RASAL2: variants seen among roughly 807,000 people sequenced by gnomAD.
RASAL2 encodes RAS protein activator like 2, also known as ras GTPase-activating protein nGAP.
A neutral mutation model predicts 128.9 loss-of-function variants in RASAL2; 58 were observed. The ratio of observed to expected loss-of-function variants is 0.45; its 90% CI spans 0.36 to 0.56. The LOEUF (loss-of-function observed/expected upper bound fraction) is 0.56. RASAL2 is among the 20% of genes least tolerant of loss of function. The pLI is 0.00. For missense variants in RASAL2, 1,360 were observed against 1,601.6 expected, an observed-to-expected ratio of 0.85 and a Z score of 2.57; for synonymous variants, 561 against 580.8, an observed-to-expected ratio of 0.97 and a Z score of 0.49.
chr1:178,457,907 T>A lies in RASAL2; in HGVS notation c.2615T>A (p.Ile872Lys), dbSNP rs1285589687. The A allele has an allele frequency of 6.2e-7, 1 of 1,614,076 alleles. No individual in the cohort carries two copies. The highest frequency in any genetic ancestry group is 1.3e-5 in the African/African-American group (1 of 74,922). Residue 872 changes from isoleucine (I) to lysine (K), a missense_variant, in exon 14 of 18, where the codon ATA becomes AAA. By Grantham distance (102) the Ile-to-Lys change is moderately radical. Coordinates refer to ENST00000367649, the MANE Select transcript of RASAL2 (RefSeq NM_170692.4). Reference protein sequence around the residue: ...EHASVMLDVPIRLTGSQLSIT... With the variant: ...EHASVMLDVPKRLTGSQLSIT... ...GCATCTGTCATGCTTGATGTGCCTA[T>A]ACGCTTGACCGGAAGCCAGCTTTCC...
At chr1:178,210,831 T>C (rs1663228535) in intron 1 of RASAL2, among the ~76,000 whole-genome samples, 1 of 152,252 alleles carries the variant, frequency 6.6e-6, no homozygotes, top group African/African-American at 2.4e-5. Flanking sequence ...GTTTGCTCTG[T>C]CCAAACACCA....
chr1:178,244,759 A>G (rs1433381748), intron 1 of RASAL2, among the ~76,000 whole-genome samples: 3 of 151,788 alleles, frequency 2.0e-5, no homozygotes, highest in Non-Finnish European at 2.9e-5. Context: ...CCGGTGTGTG[A>G]TGATCCCCTC....
rs573609664 is a variant in RASAL2, at chr1:178,451,241, AAC to A, written c.1628-328_1628-327del. Among the ~76,000 whole-genome samples, 423 of 152,310 alleles carry A rather than the reference AAC, an allele frequency of 2.8e-3. 1 individual carries two copies. The highest frequency in any genetic ancestry group is 9.6e-3 in the African/African-American group (400 of 41,576). ...GTCACCTAAGTAGAGCGAGCCTTAA[AAC>A]ATAACAAGTTTGTACTAATTAAACA... is the stretch of plus-strand genomic sequence containing the variant. On this transcript the variant is annotated intron_variant, in intron 9 of 17. Coordinates refer to ENST00000367649, the MANE Select transcript of RASAL2 (RefSeq NM_170692.4).
intron 3 of RASAL2, among the ~76,000 whole-genome samples, chr1:178,313,310 A>G (rs1428842599): frequency 6.6e-6 from 1 of 152,174 alleles, no homozygotes; most frequent in African/African-American, 2.4e-5. Flanking sequence ...AAAATAGAGA[A>G]ATTTTAAAGT....
chr1:178,151,051 G>C (rs1019313138), intron 1 of RASAL2, among the ~76,000 whole-genome samples: 1 of 152,024 alleles, frequency 6.6e-6, no homozygotes, highest in Non-Finnish European at 1.5e-5. Context: ...TGTTGAATAA[G>C]CTTTATTTAG....
intron 1 of RASAL2, among the ~76,000 whole-genome samples, chr1:178,245,363 C>T (rs1056855544): frequency 6.6e-6 from 1 of 152,208 alleles, no homozygotes; most frequent in Non-Finnish European, 1.5e-5. Context: ...TTGTCAGCTC[C>T]ATAAATGTCT....
At chr1:178,258,746 C>T (rs887532201) in intron 1 of RASAL2, among the ~76,000 whole-genome samples, 1 of 152,134 alleles carries the variant, frequency 6.6e-6, no homozygotes, top group Non-Finnish European at 1.5e-5. Flanking sequence ...CTCAGCAATT[C>T]CACTCCAAGT....
intron 16 of RASAL2, among the ~76,000 whole-genome samples, chr1:178,466,852 T>G (rs1160939427): frequency 6.6e-6 from 1 of 152,166 alleles, no homozygotes; most frequent in Non-Finnish European, 1.5e-5. Context: ...TTGACAGTCT[T>G]ACTGAGAGGT....
intron 3 of RASAL2, among the ~76,000 whole-genome samples, chr1:178,375,885 A>T (rs1179890851): frequency 6.6e-6 from 1 of 152,110 alleles, no homozygotes; most frequent in African/African-American, 2.4e-5. Context: ...GACAGAAAAA[A>T]CAGTTTTGGT....
intron 3 of RASAL2, among the ~76,000 whole-genome samples, chr1:178,333,724 TATAATCATAATAGTAA>T (rs1338003061): frequency 6.6e-6 from 1 of 152,244 alleles, no homozygotes; most frequent in Non-Finnish European, 1.5e-5. Flanking sequence ...CAAAATAGTG[TATAATCATAATAGTAA>T]ATAATCATAA....
intron 5 of RASAL2, among the ~76,000 whole-genome samples, chr1:178,434,114 A>G (rs746659190): frequency 2.6e-5 from 4 of 152,028 alleles, no homozygotes; most frequent in Non-Finnish European, 5.9e-5. Context: ...GGTTTGGTTT[A>G]GTTTCTGTTT....
chr1:178,385,498 G>A (rs762757305), intron 3 of RASAL2, among the ~76,000 whole-genome samples: 4 of 151,746 alleles, frequency 2.6e-5, no homozygotes, highest in Non-Finnish European at 5.9e-5. Context: ...AATACGATTT[G>A]TACCTTTTGG....
At chr1:178,200,070 C>T (rs1261664193) in intron 1 of RASAL2, among the ~76,000 whole-genome samples, 1 of 152,156 alleles carries the variant, frequency 6.6e-6, no homozygotes, top group Non-Finnish European at 1.5e-5. Context: ...ATTATGGTAC[C>T]TCGTGATCGT....
At chr1:178,309,279 T>C (rs975742399) in intron 3 of RASAL2, among the ~76,000 whole-genome samples, 9 of 152,180 alleles carry the variant, frequency 5.9e-5, no homozygotes, top group African/African-American at 1.9e-4. Context: ...ATTCCTCTCC[T>C]GTAAAATAAG....
At chr1:178,206,571 C>T (rs1663056761) in intron 1 of RASAL2, among the ~76,000 whole-genome samples, 1 of 152,180 alleles carries the variant, frequency 6.6e-6, no homozygotes, top group Non-Finnish European at 1.5e-5. Flanking sequence ...AGCTTCCTGG[C>T]TGCAAAGTCC....
intron 3 of RASAL2, among the ~76,000 whole-genome samples, chr1:178,370,026 T>C (rs1318076832): frequency 2.0e-5 from 3 of 152,218 alleles, no homozygotes; most frequent in Non-Finnish European, 4.4e-5. Flanking sequence ...TATTGTCAGA[T>C]GTATATGGTA....
At chr1:178,394,221 G>A (rs1009989838) in intron 4 of RASAL2, among the ~76,000 whole-genome samples, 2 of 152,108 alleles carry the variant, frequency 1.3e-5, no homozygotes, top group African/African-American at 4.8e-5. Flanking sequence ...AGTTTTGACT[G>A]TTCTTCAAAA....
At chr1:178,233,797 G>T (rs1045390464) in intron 1 of RASAL2, among the ~76,000 whole-genome samples, 3 of 152,146 alleles carry the variant, frequency 2.0e-5, no homozygotes, top group Admixed American at 6.5e-5. Context: ...TATTTCATCC[G>T]TGGCATTTTC....
In RASAL2 at chr1:178,249,904, G is replaced by A. The variant is rs1375295476; in HGVS notation, c.203-33660G>A. Among the ~76,000 whole-genome samples, 11 of 152,202 alleles carry A rather than the reference G, an allele frequency of 7.2e-5. 1 individual carries two copies. Among genetic ancestry groups the A allele is most frequent in the Admixed American group, 7.2e-4 (11 of 15,290 alleles). On this transcript the variant is annotated intron_variant, in intron 1 of 17. Coordinates refer to ENST00000367649, the MANE Select transcript of RASAL2 (RefSeq NM_170692.4). ...TATCACCAGCGGAAGCTGCAGAACA[G>A]CAAAATTGCTACCTGTTCCTTCCTC...
Sources: allele counts gnomAD v4.1 joint callset (sites outside exome capture counted in the v4.1 genomes callset), GRCh38; gene constraint gnomAD v4.1.1; transcripts MANE v1.5; gene names NCBI Gene and HGNC (gene_info 2026-07-23, HGNC 2026-07-21).